The following SETBP1 variants were observed in gnomAD, a reference collection of about 807,000 sequenced individuals.
The protein encoded by SETBP1 is SET-binding protein.
SETBP1 carries 9 observed loss-of-function variants against 101.0 expected under a neutral mutation model. The observed-to-expected ratio is 0.09, with a 90% CI of 0.05 to 0.16. The LOEUF (loss-of-function observed/expected upper bound fraction) is 0.16. Among genes scored for constraint, SETBP1 ranks in the 10% least tolerant of loss-of-function variants. The pLI is 1.00. For synonymous variants in SETBP1, 818 were observed against 788.5 expected (o/e 1.04, Z -0.63); for missense variants, 1,858 against 2,033.8 (o/e 0.91, Z 1.66).
chr18:44,992,116 G>T (rs150358266), intron 4 of SETBP1, among the ~76,000 whole-genome samples: 7 of 152,148 alleles, frequency 4.6e-5, no homozygotes, highest in Non-Finnish European at 8.8e-5. Context: ...TTCTTGGAGA[G>T]AAATTTAGAA....
chr18:44,906,793 C>G (rs2070185275), intron 3 of SETBP1, among the ~76,000 whole-genome samples: 1 of 152,112 alleles, frequency 6.6e-6, no homozygotes. Context: ...GGTGGTCATG[C>G]TCATAATTGT....
rs180848179 is a variant in SETBP1 at position 44,787,581 on chromosome 18, G to A, written c.487-81649G>A. ...TTTAAAAGAAAATTGTTGGCCGGGC[G>A]CGGTGGCTCACGCCTGTAATCCCAG... On this transcript the variant is annotated intron_variant, in intron 2 of 5. Transcript: ENST00000649279. Among the ~76,000 whole-genome samples the A allele has an allele frequency of 4.2e-3, 638 of 152,114 alleles. 8 individuals are homozygous for A. The highest frequency in any genetic ancestry group is 0.014 in the African/African-American group (574 of 41,504).
rs992074247 is a variant in SETBP1 at position 44,951,508 on chromosome 18, T to G, written c.2168T>G (p.Ile723Ser). The change falls in exon 4 of 6, where the codon ATT becomes AGT. Residue 723 changes from isoleucine (I) to serine (S), a missense_variant. By Grantham distance (142) the Ile-to-Ser change is moderately radical. Coordinates refer to ENST00000649279, the MANE Select transcript of SETBP1 (RefSeq NM_015559.3). The surrounding 1 kb of genome is among the most constrained non-coding windows in gnomAD (Gnocchi z 7.8). Reference protein sequence around the residue: ...INVSKRGTIYIGKKRGRKPRA... With the variant: ...INVSKRGTIYSGKKRGRKPRA... ...GTCAGCAAGAGGGGAACCATCTACA[T>G]TGGCAAGAAGCGGGGCAGGAAGCCA... is the stretch of plus-strand genomic sequence containing the variant. The G allele has an allele frequency of 6.2e-7, 1 of 1,613,974 alleles. No individual in the cohort carries two copies. The highest frequency in any genetic ancestry group is 1.3e-5 in the African/African-American group (1 of 74,892).
chr18:44,937,016 C>A (rs2070973309), intron 3 of SETBP1, among the ~76,000 whole-genome samples: 1 of 152,068 alleles, frequency 6.6e-6, no homozygotes, highest in Non-Finnish European at 1.5e-5. Context: ...CCTATTTCTG[C>A]TGGATGTTGT....
At position 45,046,514 on chromosome 18, in the gene SETBP1, T is replaced by C. The variant is rs114811755; in HGVS notation, c.4171+7859T>C. On this transcript the variant is annotated intron_variant, in intron 5 of 5. Transcript: ENST00000649279. Reference sequence around the variant, plus strand: ...ATTCTTGAGTTAAAGATTCAGCCTATATGGCATTGTACTTGCACTACCAAA... The same window carrying C: ...ATTCTTGAGTTAAAGATTCAGCCTACATGGCATTGTACTTGCACTACCAAA... Among the ~76,000 whole-genome samples, 1,360 of 152,334 alleles carry C rather than the reference T, an allele frequency of 8.9e-3. 23 individuals carry two copies. Among genetic ancestry groups the C allele is most frequent in the African/African-American group, 0.03 (1,248 of 41,558 alleles).
At chr18:44,932,699 C>T (rs2070865534) in intron 3 of SETBP1, among the ~76,000 whole-genome samples, 1 of 151,938 alleles carries the variant, frequency 6.6e-6, no homozygotes, top group Non-Finnish European at 1.5e-5. Flanking sequence ...TTTGATCTTC[C>T]ATCACTGATA....
In SETBP1 at chr18:44,996,654, G is replaced by A. The variant is rs1884037538; in HGVS notation, c.4001-41831G>A. 3.9e-5 allele frequency among the ~76,000 whole-genome samples: 6 copies of A among 152,308 alleles called. No individual in the cohort carries two copies. The South Asian group carries it at 1.2e-3, about 32-fold the overall frequency. On this transcript the variant is annotated intron_variant, in intron 4 of 5. Transcript: ENST00000649279. Reference sequence around the variant, plus strand: ...CCATTTGTGCTTCCACATACTCTGGGGGAAAGGGATAGAGCAGTAGGTACT... The same window carrying A: ...CCATTTGTGCTTCCACATACTCTGGAGGAAAGGGATAGAGCAGTAGGTACT...
intron 4 of SETBP1, among the ~76,000 whole-genome samples, chr18:44,992,646 T>C (rs1162656920): frequency 1.3e-5 from 2 of 152,036 alleles, no homozygotes; most frequent in Admixed American, 6.5e-5. Context: ...CTTAAAAATA[T>C]CAATTCAAGG....
chr18:44,938,679 G>A (rs1038556920), intron 3 of SETBP1, among the ~76,000 whole-genome samples: 2 of 152,216 alleles, frequency 1.3e-5, no homozygotes, highest in African/African-American at 4.8e-5. Context: ...ATTTGTGGCT[G>A]GGGTGGAGAC....
At chr18:44,715,699 C>CTT (rs981668631) in intron 2 of SETBP1, among the ~76,000 whole-genome samples, 4 of 152,190 alleles carry the variant, frequency 2.6e-5, no homozygotes, top group African/African-American at 9.6e-5. Flanking sequence ...AGAAAGTGTT[C>CTT]TTTTTTAAAA....
chr18:44,984,965 A>C (rs996892102), intron 4 of SETBP1, among the ~76,000 whole-genome samples: 2 of 152,252 alleles, frequency 1.3e-5, no homozygotes, highest in Admixed American at 1.3e-4. Context: ...ACATGGTGAA[A>C]CCCTATCTCC....
intron 2 of SETBP1, among the ~76,000 whole-genome samples, chr18:44,868,627 G>A (rs543074983): frequency 5.4e-4 from 82 of 150,842 alleles, no homozygotes; most frequent in African/African-American, 1.9e-3. Context: ...CCTGGGAGAC[G>A]GAGGTTGTGG....
intron 1 of SETBP1, among the ~76,000 whole-genome samples, chr18:44,684,085 G>A (rs2068799320): frequency 6.6e-6 from 1 of 152,168 alleles, no homozygotes; most frequent in Non-Finnish European, 1.5e-5. Context: ...GCCTCACAGA[G>A]GTCTTGCTGC....
At chr18:45,062,984 T>G in intron 5 of SETBP1, 95 bp from the exon 6 acceptor site, 2 of 1,537,990 alleles carry the variant, frequency 1.3e-6, no homozygotes, top group Admixed American at 1.7e-5. Flanking sequence ...TCTATAATCT[T>G]TATAGCCAAG....
chr18:44,763,625 A>G (rs1464185298), intron 2 of SETBP1, among the ~76,000 whole-genome samples: 1 of 152,200 alleles, frequency 6.6e-6, no homozygotes, highest in Non-Finnish European at 1.5e-5. Flanking sequence ...AAGCTATGAA[A>G]CGCTTTCTCC....
chr18:44,708,680 C>T (rs545080770), intron 2 of SETBP1, among the ~76,000 whole-genome samples: 1 of 152,194 alleles, frequency 6.6e-6, no homozygotes, highest in South Asian at 2.1e-4. Flanking sequence ...CTGTGACTCA[C>T]AATCACATTC....
intron 2 of SETBP1, among the ~76,000 whole-genome samples, chr18:44,774,765 G>A (rs1308986129): frequency 6.6e-6 from 1 of 152,160 alleles, no homozygotes; most frequent in Non-Finnish European, 1.5e-5. Flanking sequence ...GCCAGGATTT[G>A]AACCTGGGTC....
chr18:44,871,728 G>A (rs1307744288), intron 3 of SETBP1: 1 of 152,112 alleles, frequency 6.6e-6, no homozygotes, highest in African/African-American at 2.4e-5. Context: ...TTCTCCCCAT[G>A]GTTATTGGTT....
At chr18:44,838,324 G>A (rs569068937) in intron 2 of SETBP1, among the ~76,000 whole-genome samples, 23 of 152,222 alleles carry the variant, frequency 1.5e-4, no homozygotes, top group African/African-American at 4.3e-4. Context: ...CACACCCTGC[G>A]CAGTGTCTTC....
Sources: allele counts gnomAD v4.1 joint callset (sites outside exome capture counted in the v4.1 genomes callset), GRCh38; gene constraint gnomAD v4.1.1; non-coding constraint Gnocchi (gnomAD v3.1); transcripts MANE v1.5; gene names NCBI Gene and HGNC (gene_info 2026-07-23, HGNC 2026-07-21).